Variants in CSMD1 observed in about 807,000 individuals in gnomAD.
The protein encoded by CSMD1 is CUB and Sushi multiple domains 1.
In CSMD1, 213 loss-of-function variants were observed where a neutral mutation model predicts 417.5. That is an observed-to-expected ratio of 0.51 (90% CI 0.46 to 0.57). The LOEUF is 0.57. Among genes scored for constraint, CSMD1 ranks in the 20% least tolerant of loss-of-function variants. CSMD1 has a pLI of 0.00. For synonymous variants in CSMD1, 2,862 were observed against 1,736.8 expected (o/e 1.65, Z -16.11); for missense variants, 6,923 against 4,529.7 (o/e 1.53, Z -15.17).
At chr8:3,475,758 C>G (rs1433769594) in intron 11 of CSMD1, among the ~76,000 whole-genome samples, 1 of 152,140 alleles carries the variant, frequency 6.6e-6, no homozygotes, top group Non-Finnish European at 1.5e-5. Context: ...GTATGTGAAG[C>G]GGTTAACCCA....
chr8:4,393,818 T>C (rs1804023109), intron 3 of CSMD1, among the ~76,000 whole-genome samples: 1 of 152,224 alleles, frequency 6.6e-6, no homozygotes, highest in Non-Finnish European at 1.5e-5. Flanking sequence ...TATTTTCCTA[T>C]GTTTCTGTAT....
At chr8:4,859,963 A>G (rs1802027605) in intron 1 of CSMD1, among the ~76,000 whole-genome samples, 1 of 152,118 alleles carries the variant, frequency 6.6e-6, no homozygotes, top group Non-Finnish European at 1.5e-5. Context: ...ATGCACACAT[A>G]TGTTTATTGC....
intron 48 of CSMD1, among the ~76,000 whole-genome samples, chr8:3,090,955 C>A (rs1056667017): frequency 6.6e-6 from 1 of 152,116 alleles, no homozygotes; most frequent in Admixed American, 6.5e-5. Flanking sequence ...TAAATCACTG[C>A]TGGCAGAGAA....
chr8:4,753,163 C>T (rs909408738), intron 1 of CSMD1, among the ~76,000 whole-genome samples: 1 of 152,064 alleles, frequency 6.6e-6, no homozygotes, highest in Non-Finnish European at 1.5e-5. Flanking sequence ...TGTCTGAGAT[C>T]ATACATACAG....
chr8:3,025,049 T>C (rs1471380516), intron 51 of CSMD1, among the ~76,000 whole-genome samples: 2 of 150,006 alleles, frequency 1.3e-5, no homozygotes, highest in African/African-American at 4.9e-5. Context: ...AAACCCTGTA[T>C]TGTGTGGTGT....
intron 3 of CSMD1, among the ~76,000 whole-genome samples, chr8:4,300,633 A>G (rs1797931720): frequency 6.6e-6 from 1 of 152,156 alleles, no homozygotes; most frequent in Non-Finnish European, 1.5e-5. Context: ...TGCTGCACCC[A>G]TTAACTCGTC....
At chr8:3,671,064 G>C (rs1389435987) in intron 7 of CSMD1, among the ~76,000 whole-genome samples, 1 of 132,186 alleles carries the variant, frequency 7.6e-6, no homozygotes, top group Non-Finnish European at 1.7e-5. Context: ...GGATATATAT[G>C]TATATGGGAT....
At chr8:4,879,244 G>A (rs866861400) in intron 1 of CSMD1, among the ~76,000 whole-genome samples, 1 of 151,880 alleles carries the variant, frequency 6.6e-6, no homozygotes. Flanking sequence ...ACATCAACTC[G>A]AGGAAAGGTT....
chr8:4,236,041 T>TTG (rs1563316624), intron 3 of CSMD1, among the ~76,000 whole-genome samples: 13 of 30,746 alleles, frequency 4.2e-4, no homozygotes, highest in African/African-American at 1.1e-3. Flanking sequence ...TTTTGTTTGT[T>TTG]TTTTTTTTTT....
chr8:4,442,361 G>A (rs17070309), intron 2 of CSMD1, among the ~76,000 whole-genome samples: 26,043 of 152,002 alleles, frequency 0.17, 2,495 homozygotes, highest in East Asian at 0.38. Flanking sequence ...ATTCCCACAC[G>A]TTTGCCTAGA....
chr8:2,966,962 T>C (rs1159654966), intron 57 of CSMD1, among the ~76,000 whole-genome samples: 1 of 152,234 alleles, frequency 6.6e-6, no homozygotes, highest in African/African-American at 2.4e-5. Context: ...TTTCAATTCG[T>C]CTTTTCTAAA....
Position 3,641,763 on chromosome 8 carries a change from C to T in CSMD1, c.1010-24966G>A, listed in dbSNP as rs371851076. Among the ~76,000 whole-genome samples the T allele has an allele frequency of 7.2e-5, 11 of 152,182 alleles. 1 individual carries two copies. The South Asian group carries it at 1.2e-3, about 17-fold the overall frequency. On this transcript the variant is annotated intron_variant, in intron 7 of 69. Coordinates refer to ENST00000635120, the MANE Select transcript of CSMD1 (RefSeq NM_033225.6). The stretch of plus-strand genomic sequence containing the variant: ...GGATTCTCCCTGCTACCACTCGGTA[C>T]CCAACCACTCACTACCTCCTGGTTC...
chr8:3,289,807 C>T (rs62503424), intron 25 of CSMD1, among the ~76,000 whole-genome samples: 18,004 of 147,086 alleles, frequency 0.12, 2,128 homozygotes, highest in Middle Eastern at 0.17. Context: ...GTTTCTTTTG[C>T]TGTGCAGAAG....
intron 7 of CSMD1, among the ~76,000 whole-genome samples, chr8:3,676,285 G>T (rs1245763887): frequency 6.6e-6 from 1 of 152,116 alleles, no homozygotes; most frequent in African/African-American, 2.4e-5. Context: ...TACCAACTCT[G>T]TGGCCCTGGG....
At chr8:4,527,057 G>C (rs532273584) in intron 2 of CSMD1, among the ~76,000 whole-genome samples, 34 of 152,158 alleles carry the variant, frequency 2.2e-4, no homozygotes, top group Admixed American at 9.8e-4. Flanking sequence ...CCCTTTCTTT[G>C]TGTGTCTGGA....
At chr8:3,455,974 G>A (rs530397577) in intron 12 of CSMD1, among the ~76,000 whole-genome samples, 19 of 152,244 alleles carry the variant, frequency 1.2e-4, no homozygotes, top group South Asian at 8.3e-4. Flanking sequence ...TCGAGCTTCC[G>A]GGCTGCTTTG....
intron 3 of CSMD1, among the ~76,000 whole-genome samples, chr8:4,142,420 G>A (rs1803845752): frequency 6.6e-6 from 1 of 150,978 alleles, no homozygotes; most frequent in South Asian, 2.1e-4. Flanking sequence ...ATTTCTGCCT[G>A]CTACCATAAC....
intron 1 of CSMD1, among the ~76,000 whole-genome samples, chr8:4,902,629 A>G (rs1315504743): frequency 6.6e-6 from 1 of 152,160 alleles, no homozygotes; most frequent in African/African-American, 2.4e-5. Flanking sequence ...TTGATTATCT[A>G]TTTAACTCTT....
intron 3 of CSMD1, among the ~76,000 whole-genome samples, chr8:4,275,871 T>A (rs1166964547): frequency 6.6e-6 from 1 of 152,230 alleles, no homozygotes; most frequent in African/African-American, 2.4e-5. Context: ...GCATGAATTA[T>A]AATTGGATGA....
Sources: gnomAD v4.1 joint callset for allele counts (sites outside exome capture counted in the v4.1 genomes callset) on GRCh38, gnomAD v4.1.1 for gene constraint, MANE v1.5 for transcripts, NCBI Gene and HGNC (gene_info 2026-07-23, HGNC 2026-07-21) for gene names.